The following GGTA1 variants were observed in gnomAD, a reference collection of about 807,000 sequenced individuals.
The protein encoded by GGTA1 is glycoprotein alpha-galactosyltransferase 1 (inactive), also known as inactive N-acetyllactosaminide alpha-1,3-galactosyltransferase.
A neutral mutation model predicts 2.6 loss-of-function variants in GGTA1; 5 were observed. The observed-to-expected ratio is 1.92, with a 90% CI of 1.00 to 4.04. The LOEUF (loss-of-function observed/expected upper bound fraction) is 4.04. Among genes scored for constraint, GGTA1 ranks in the 30% most tolerant of loss-of-function variants. The pLI is 0.00. For missense variants in GGTA1, 50 were observed against 16.7 expected, an observed-to-expected ratio of 2.99 and a Z score of -3.47; for synonymous variants, 17 against 5.0, an observed-to-expected ratio of 3.38 and a Z score of -3.19.
At chr9:121,448,421 T>G (rs1217361668) in intron 7 of GGTA1, among the ~76,000 whole-genome samples, 1 of 152,128 alleles carries the variant, frequency 6.6e-6, no homozygotes, top group Non-Finnish European at 1.5e-5. Context: ...AGTCATCCTA[T>G]GAGCCTCCCA....
At chr9:121,473,281 C>T (rs1262647298) in intron 1 of GGTA1, among the ~76,000 whole-genome samples, 1 of 142,530 alleles carries the variant, frequency 7.0e-6, no homozygotes, top group Admixed American at 7.2e-5. Flanking sequence ...GATCATGCCA[C>T]TGCACTCCGG....
intron 1 of GGTA1, among the ~76,000 whole-genome samples, chr9:121,477,443 T>A (rs1828534531): frequency 6.6e-6 from 1 of 152,194 alleles, no homozygotes; most frequent in South Asian, 2.1e-4. Flanking sequence ...TTTTACATCA[T>A]TTTCTTATGT....
chr9:121,478,180 G>T (rs541671598), intron 1 of GGTA1, among the ~76,000 whole-genome samples: 1 of 152,278 alleles, frequency 6.6e-6, no homozygotes, highest in Non-Finnish European at 1.5e-5. Flanking sequence ...TAACCACTCT[G>T]TTGCTCTAGA....
intron 2 of GGTA1, among the ~76,000 whole-genome samples, chr9:121,465,449 T>C (rs28530652): frequency 0.19 from 27,952 of 150,788 alleles, no homozygotes; most frequent in Middle Eastern, 0.25. Context: ...GAAGTGAATG[T>C]TGTATCTCTT....
chr9:121,480,073 T>TTTTTTTTA (rs1828609389), intron 1 of GGTA1, among the ~76,000 whole-genome samples: 1 of 151,530 alleles, frequency 6.6e-6, no homozygotes, highest in Non-Finnish European at 1.5e-5. Context: ...TTTTTTTTTT[T>TTTTTTTTA]GAGATGGAGT....
intron 5 of GGTA1, among the ~76,000 whole-genome samples, chr9:121,457,891 G>T (rs2064926542): frequency 1.4e-5 from 2 of 140,590 alleles, no homozygotes; most frequent in African/African-American, 5.1e-5. Context: ...GTGGTTTTAG[G>T]TAGTTTACAG....
chr9:121,469,735 C>G (rs79763660), intron 1 of GGTA1, among the ~76,000 whole-genome samples: 3,492 of 152,268 alleles, frequency 0.023, 140 homozygotes, highest in African/African-American at 0.079. Context: ...TAGAGATAGC[C>G]AGGGCTCAGC....
chr9:121,460,645 G>A (rs772574635), intron 4 of GGTA1, among the ~76,000 whole-genome samples: 1 of 152,136 alleles, frequency 6.6e-6, no homozygotes, highest in Non-Finnish European at 1.5e-5. Flanking sequence ...AGGAGTTAGA[G>A]ACCAGCCTGG....
intron 3 of GGTA1, among the ~76,000 whole-genome samples, chr9:121,461,676 G>T (rs1414569512): frequency 6.6e-6 from 1 of 152,148 alleles, no homozygotes; most frequent in Non-Finnish European, 1.5e-5. Flanking sequence ...TCTGAATTTT[G>T]ACTTTCTCCT....
At chr9:121,495,333 G>T (rs895349217) in intron 1 of GGTA1, among the ~76,000 whole-genome samples, 26 of 151,598 alleles carry the variant, frequency 1.7e-4, no homozygotes, top group Non-Finnish European at 8.8e-5. Context: ...ATCACTTGAG[G>T]TCAGGAGTTC....
chr9:121,485,107 G>T (rs1242403501), intron 1 of GGTA1, among the ~76,000 whole-genome samples: 1 of 152,208 alleles, frequency 6.6e-6, no homozygotes, highest in Non-Finnish European at 1.5e-5. Flanking sequence ...CTCATGATTT[G>T]TATTCATTGC....
intron 1 of GGTA1, among the ~76,000 whole-genome samples, chr9:121,493,064 G>T (rs1488641308): frequency 6.6e-6 from 1 of 151,820 alleles, no homozygotes; most frequent in African/African-American, 2.4e-5. Context: ...AACCTGGGAG[G>T]TGGAGGTTGC....
At chr9:121,448,796 C>A (rs1296855263) in intron 7 of GGTA1, among the ~76,000 whole-genome samples, 1 of 152,140 alleles carries the variant, frequency 6.6e-6, no homozygotes, top group Non-Finnish European at 1.5e-5. Context: ...TTGTTACAAT[C>A]GATGAAGCTA....
At chr9:121,450,001 A>G (rs2064870740) in intron 7 of GGTA1, among the ~76,000 whole-genome samples, 1 of 152,166 alleles carries the variant, frequency 6.6e-6, no homozygotes, top group Admixed American at 6.5e-5. Flanking sequence ...ACCAAACCCT[A>G]AACACACGTG....
chr9:121,482,955 A>C (rs900096447), intron 1 of GGTA1, among the ~76,000 whole-genome samples: 3 of 152,138 alleles, frequency 2.0e-5, no homozygotes, highest in African/African-American at 7.2e-5. Flanking sequence ...TATCTCAAAA[A>C]AAAGAAAAGA....
chr9:121,492,073 T>G (rs1828881097), intron 1 of GGTA1, among the ~76,000 whole-genome samples: 1 of 152,228 alleles, frequency 6.6e-6, no homozygotes, highest in Non-Finnish European at 1.5e-5. Context: ...GCTCAGTGAA[T>G]GCTGAATGAG....
chr9:121,475,322 C>A (rs1175283939), intron 1 of GGTA1, among the ~76,000 whole-genome samples: 1 of 152,110 alleles, frequency 6.6e-6, no homozygotes. Context: ...AATAATCCAC[C>A]CCTTGTTTAG....
At chr9:121,489,037 G>T (rs990782375) in intron 1 of GGTA1, among the ~76,000 whole-genome samples, 6 of 152,152 alleles carry the variant, frequency 3.9e-5, no homozygotes, top group Non-Finnish European at 7.3e-5. Flanking sequence ...TGATGGAGTT[G>T]GTTCATGCTG....
At chr9:121,457,970 C>CA (rs2064927681) in intron 5 of GGTA1, among the ~76,000 whole-genome samples, 1 of 147,890 alleles carries the variant, frequency 6.8e-6, no homozygotes, top group Non-Finnish European at 1.5e-5. Flanking sequence ...AGTGCAGTGG[C>CA]ATGATCTTGG....
Sources: allele counts gnomAD v4.1 joint callset (sites outside exome capture counted in the v4.1 genomes callset), GRCh38; gene constraint gnomAD v4.1.1; transcripts MANE v1.5; gene names NCBI Gene and HGNC (gene_info 2026-07-23, HGNC 2026-07-21).